The following GTPBP3 variants were observed in gnomAD, a reference collection of about 807,000 sequenced individuals.
GTPBP3 encodes GTP binding protein 3, mitochondrial.
GTPBP3 carries 35 observed loss-of-function variants against 42.0 expected under a neutral mutation model. The ratio of observed to expected loss-of-function variants is 0.83; its 90% CI spans 0.64 to 1.10. GTPBP3 has a LOEUF of 1.10. Ranked by LOEUF, GTPBP3 falls within the 50% of genes least tolerant of loss-of-function variation. The pLI, the probability that GTPBP3 is intolerant of heterozygous loss-of-function variation, is 0.00. For missense variants in GTPBP3, 691 were observed against 685.2 expected (o/e 1.01, Z -0.09); for synonymous variants, 332 against 314.9 (o/e 1.05, Z -0.58).
chr19:17,335,577 A>C (rs1051460379), upstream of GTPBP3, among the ~76,000 whole-genome samples: 1 of 152,162 alleles, frequency 6.6e-6, no homozygotes, highest in African/African-American at 2.4e-5. Flanking sequence ...ATATATATAC[A>C]TACATACATA....
chr19:17,340,644 GCTGTGCC>G, intron 7 of GTPBP3, among the ~76,000 whole-genome samples: 1 of 149,912 alleles, frequency 6.7e-6, no homozygotes, highest in East Asian at 2.0e-4. Context: ...CAGCCCCTGT[GCTGTGCC>G]CTGTCCCTCT....
chr19:17,339,333 G>A (rs934249813), intron 6 of GTPBP3, 67 bp downstream of exon 6: 4 of 1,580,498 alleles, frequency 2.5e-6, no homozygotes, highest in Middle Eastern at 1.7e-4. Context: ...GGGTTATTGA[G>A]TTAGTTGTTC....
chr19:17,338,704 G>A lies in GTPBP3; in HGVS notation c.554G>A (p.Gly185Asp), dbSNP rs199876072. The A allele has an allele frequency of 1.1e-5, 17 of 1,613,010 alleles. No individual in the cohort carries two copies. The Admixed American group carries it at 2.3e-4, about 22-fold the overall frequency. Reference sequence around the variant, plus strand: ...CTCAGGCAGCTGGACGGAGAGCTGGGCCACCTCTGCCGTGGCTGGGCCGAG... The same window carrying A: ...CTCAGGCAGCTGGACGGAGAGCTGGACCACCTCTGCCGTGGCTGGGCCGAG... ...QALRQLDGEL[G>D]HLCRGWAETL... Residue 185 changes from glycine (G) to aspartate (D), a missense_variant, in exon 4 of 9, where the codon GGC becomes GAC. By Grantham distance (94) the Gly-to-Asp change is moderately conservative. Coordinates refer to ENST00000324894, the MANE Select transcript of GTPBP3 (RefSeq NM_032620.4).
chr19:17,340,322 C>A (rs1460373349), intron 7 of GTPBP3, among the ~76,000 whole-genome samples: 1 of 152,108 alleles, frequency 6.6e-6, no homozygotes, highest in Admixed American at 6.5e-5. Context: ...CAGGCGTTAG[C>A]CACTGTGCCC....
At chr19:17,337,842 A>G in intron 1 of GTPBP3, 166 bp from the exon 2 acceptor site, 1 of 1,189,346 alleles carries the variant, frequency 8.4e-7, no homozygotes, top group African/African-American at 1.6e-5. Context: ...CTGGCCTCAC[A>G]GTCCCTAATC....
chr19:17,337,522 A>G (rs1471100836), upstream of GTPBP3: 3 of 1,287,336 alleles, frequency 2.3e-6, no homozygotes, highest in East Asian at 3.1e-5. Flanking sequence ...TGAGCACTTT[A>G]CTAGTCAAGC....
At chr19:17,341,358 AC>A in intron 8 of GTPBP3, 36 bp downstream of exon 8, 1 of 1,566,082 alleles carries the variant, frequency 6.4e-7, no homozygotes, top group Non-Finnish European at 8.6e-7. Context: ...CCCCTGACCC[AC>A]AGTTTAAGTG....
rs142059730 is a variant in GTPBP3, at chr19:17,338,570, A to G, written c.420A>G (p.Ala140=). The change falls in exon 4 of 9, where the codon GCA becomes GCG. Residue 140 remains alanine (A), a synonymous_variant. Transcript: ENST00000324894. ...TGCCAGGGCTTCGACCGGCGGAGGC[A>G]GGCGAGTTCACCAGACGGGCGTTCG... ...GSVPGLRPAE[A]GEFTRRAFAN... is the part of the protein sequence containing the mutation. 8 of 1,613,876 alleles carry G rather than the reference A, an allele frequency of 5.0e-6. No individual in the cohort carries two copies. In the African/African-American group the frequency reaches 9.3e-5, roughly 19 times the overall value.
rs770408272 is a variant in GTPBP3, at chr19:17,338,074, C to T, written c.120C>T (p.Ser40=). ...CCGGCGCCACCATCTTCGCGCTAAG[C>T]TCTGGCCAAGGCCGCTGCGGCATCG... The part of the protein sequence containing the change: ...PGSGATIFAL[S]SGQGRCGIAV... Residue 40 remains serine, a synonymous_variant, in exon 2 of 9, where the codon AGC becomes AGT. Transcript: ENST00000324894. 6.3e-7 allele frequency: 1 copy of T among 1,598,024 alleles called. No individual in the cohort carries two copies. Among genetic ancestry groups the T allele is most frequent in the Non-Finnish European group, 8.5e-7 (1 of 1,179,464 alleles).
chr19:17,337,646 C>A lies in GTPBP3; in HGVS notation c.35C>A (p.Ala12Glu), dbSNP rs200232501. Reference sequence around the variant, plus strand: ...GGGCTTTGGACCCTGGCGGCCCAAGCGGCACGTGGGCCTCGCAGGTGGGGC... The same window carrying A: ...GGGCTTTGGACCCTGGCGGCCCAAGAGGCACGTGGGCCTCGCAGGTGGGGC... ...WRGLWTLAAQAARGPRRLCTR... is the reference protein window; with the variant it reads ...WRGLWTLAAQEARGPRRLCTR... Residue 12 changes from alanine to glutamate, a missense_variant, in exon 1 of 9, where the codon GCG (alanine) becomes GAG (glutamate). By Grantham distance (107) the Ala-to-Glu change is moderately radical. Coordinates refer to ENST00000324894, the MANE Select transcript of GTPBP3 (RefSeq NM_032620.4). 7.5e-7 allele frequency: 1 copy of A among 1,333,710 alleles called. No homozygotes were observed. Among genetic ancestry groups the A allele is most frequent in the Non-Finnish European group, 9.6e-7 (1 of 1,037,286 alleles). 82.6% of individuals were successfully genotyped at this position (1,333,710 alleles called of 1,614,324 possible).
At chr19:17,335,378 G>A (rs1004262932), upstream of GTPBP3, among the ~76,000 whole-genome samples, 1 of 152,144 alleles carries the variant, frequency 6.6e-6, no homozygotes, top group Non-Finnish European at 1.5e-5. Flanking sequence ...AATACAGTCC[G>A]TCTAGTTAAA....
Position 17,339,194 on chromosome 19 carries a change from C to T in GTPBP3, c.736C>T (p.Leu246Phe). The part of the protein sequence containing the change: ...HLRDARRGQR[L>F]RSGVHVVVTG... The stretch of plus-strand genomic sequence containing the variant: ...ACGAGATGCCAGGCGCGGGCAGAGG[C>T]TCCGCTCAGGGGTGCACGTAGTGGT... The change falls in exon 6 of 9, where the codon CTC (leucine) becomes TTC (phenylalanine). Residue 246 changes from leucine (L) to phenylalanine (F), a missense_variant. Coordinates refer to ENST00000324894, the MANE Select transcript of GTPBP3 (RefSeq NM_032620.4). 1 of 1,613,650 alleles carries T rather than the reference C, an allele frequency of 6.2e-7. No homozygotes were observed. The highest frequency in any genetic ancestry group is 8.5e-7 in the Non-Finnish European group (1 of 1,180,004).
chr19:17,337,941 C>A (rs760151890), intron 1 of GTPBP3, 67 bp from the exon 2 acceptor site: 5 of 1,561,404 alleles, frequency 3.2e-6, no homozygotes, highest in Non-Finnish European at 3.5e-6. Context: ...ATCATCGAGC[C>A]CTCGGTCTAC....
At chr19:17,337,923 A>G (rs777322409) in intron 1 of GTPBP3, 85 bp from the exon 2 acceptor site, 463 of 1,511,946 alleles carry the variant, frequency 3.1e-4, no homozygotes, top group Non-Finnish European at 3.8e-4. Flanking sequence ...CACCTGGAGC[A>G]TCTCGCGATC....
At chr19:17,336,251 A>AG, upstream of GTPBP3, among the ~76,000 whole-genome samples, 1 of 140,508 alleles carries the variant, frequency 7.1e-6, no homozygotes. Flanking sequence ...AAAAAAAAAA[A>AG]AAAAAAAAAA....
At position 17,338,671 on chromosome 19, in the gene GTPBP3, G is replaced by C. The variant is rs766510741; in HGVS notation, c.521G>C (p.Arg174Pro). The C allele has an allele frequency of 6.2e-7, 1 of 1,613,726 alleles. No homozygotes were observed. The highest frequency in any genetic ancestry group is 2.2e-5 in the East Asian group (1 of 44,864). Residue 174 changes from arginine (R) to proline (P), a missense_variant, in exon 4 of 9, where the codon CGG (arginine) becomes CCG (proline). Arg to Pro is a moderately radical substitution (Grantham distance 103). Coordinates refer to ENST00000324894, the MANE Select transcript of GTPBP3 (RefSeq NM_032620.4). ...CACGCGGAAACAGAGGCGCAGCGGC[G>C]GCAGGCCCTCAGGCAGCTGGACGGA... ...LIHAETEAQRRQALRQLDGEL... is the reference protein window; with the variant it reads ...LIHAETEAQRPQALRQLDGEL...
intron 7 of GTPBP3, chr19:17,340,800 T>TCCTGTCTGACGGGA: frequency 5.0e-6 from 2 of 396,280 alleles, no homozygotes; most frequent in Non-Finnish European, 9.0e-6. Flanking sequence ...TCCCGCACCG[T>TCCTGTCTGACGGGA]GACCGCTCCT....
At chr19:17,338,344 G>C (rs375404382) in intron 2 of GTPBP3, 21 bp from the exon 3 acceptor site, 120 of 1,613,330 alleles carry the variant, frequency 7.4e-5, no homozygotes, top group Non-Finnish European at 9.9e-5. Context: ...CTGTCCTCCT[G>C]TCACCTGTCT....
At chr19:17,337,314 C>A (rs768143881), upstream of GTPBP3, 3 of 351,546 alleles carry the variant, frequency 8.5e-6, no homozygotes, top group Non-Finnish European at 1.5e-5. Context: ...TTCTTCCATT[C>A]CTTATTCCTA....
Sources: allele counts gnomAD v4.1 joint callset (sites outside exome capture counted in the v4.1 genomes callset), GRCh38; gene constraint gnomAD v4.1.1; transcripts MANE v1.5; gene names NCBI Gene and HGNC (gene_info 2026-07-23, HGNC 2026-07-21).